The following NKAIN2 variants were observed in gnomAD, a reference collection of about 807,000 sequenced individuals.
NKAIN2 encodes sodium/potassium-transporting ATPase subunit beta-1-interacting protein 2.
In NKAIN2, 14 loss-of-function variants were observed where a neutral mutation model predicts 32.6. The observed-to-expected ratio is 0.43, with a 90% CI of 0.28 to 0.67. The LOEUF is 0.67. NKAIN2 is among the 30% of genes least tolerant of loss of function. NKAIN2 has a pLI of 0.17. For synonymous variants in NKAIN2, 80 were observed against 87.2 expected (o/e 0.92, Z 0.46); for missense variants, 198 against 258.3 (o/e 0.77, Z 1.60).
At chr6:124,586,207 C>T (rs552682197) in intron 3 of NKAIN2, among the ~76,000 whole-genome samples, 4 of 152,180 alleles carry the variant, frequency 2.6e-5, no homozygotes, top group Non-Finnish European at 5.9e-5. Flanking sequence ...AATAGTACCA[C>T]ATATATAGCT....
intron 4 of NKAIN2, among the ~76,000 whole-genome samples, chr6:124,713,903 G>A (rs1775620829): frequency 6.6e-6 from 1 of 152,132 alleles, no homozygotes; most frequent in Non-Finnish European, 1.5e-5. Flanking sequence ...TAGGGTCAGG[G>A]GTGATTAAAG....
chr6:124,571,307 G>T (rs1449456741), intron 3 of NKAIN2, among the ~76,000 whole-genome samples: 1 of 152,114 alleles, frequency 6.6e-6, no homozygotes, highest in South Asian at 2.1e-4. Context: ...GGCATGACTG[G>T]TTTTAAAAAG....
At chr6:124,138,944 G>A (rs1479618038) in intron 1 of NKAIN2, among the ~76,000 whole-genome samples, 1 of 151,054 alleles carries the variant, frequency 6.6e-6, no homozygotes, top group Admixed American at 6.6e-5. Context: ...AGAGGGATGA[G>A]GGATAAAAGA....
At chr6:124,122,740 A>C (rs1376238620) in intron 1 of NKAIN2, among the ~76,000 whole-genome samples, 1 of 152,112 alleles carries the variant, frequency 6.6e-6, no homozygotes, top group Admixed American at 6.6e-5. Context: ...CTGGTCCTTA[A>C]AGTTTAATAA....
intron 1 of NKAIN2, among the ~76,000 whole-genome samples, chr6:124,261,702 G>A (rs1247052117): frequency 2.6e-5 from 4 of 151,988 alleles, no homozygotes; most frequent in Non-Finnish European, 4.4e-5. Context: ...TCGGCTAAAA[G>A]TCCAAAAATT....
intron 3 of NKAIN2, among the ~76,000 whole-genome samples, chr6:124,387,546 A>G (rs1204122033): frequency 6.6e-6 from 1 of 152,104 alleles, no homozygotes; most frequent in African/African-American, 2.4e-5. Flanking sequence ...TTGAAATGAC[A>G]AAATGATCCG....
At chr6:124,151,773 T>G (rs1787737756) in intron 1 of NKAIN2, among the ~76,000 whole-genome samples, 2 of 152,024 alleles carry the variant, frequency 1.3e-5, no homozygotes, top group Admixed American at 1.3e-4. Flanking sequence ...TTTAATATGC[T>G]TATTATGCAT....
intron 1 of NKAIN2, among the ~76,000 whole-genome samples, chr6:124,115,920 G>T (rs1785588535): frequency 6.6e-6 from 1 of 151,950 alleles, no homozygotes; most frequent in African/African-American, 2.4e-5. Flanking sequence ...GTCTTAGTGT[G>T]CTATGTATCT....
chr6:123,927,214 T>A (rs1014332198), intron 1 of NKAIN2, among the ~76,000 whole-genome samples: 2 of 152,364 alleles, frequency 1.3e-5, no homozygotes, highest in Non-Finnish European at 2.9e-5. Context: ...CAGTATTTAA[T>A]CTTTACCTTG....
Position 124,474,918 on chromosome 6 carries a change from A to G in NKAIN2, c.273+119571A>G, listed in dbSNP as rs993308587. 2.5e-5 allele frequency among the ~76,000 whole-genome samples: 3 copies of G among 119,998 alleles called. No individual in the cohort carries two copies. The Admixed American group carries it at 2.6e-4, about 11-fold the overall frequency. 78.7% of individuals were successfully genotyped at this position (119,998 alleles called of 152,430 possible). On this transcript the variant is annotated intron_variant, in intron 3 of 6. Transcript: ENST00000368417. ...ATATGTATCATATTATATACTATAT[A>G]TGTATGCATTATATAGGTATATATC...
At chr6:124,538,210 C>T (rs1028117054) in intron 3 of NKAIN2, among the ~76,000 whole-genome samples, 20 of 151,614 alleles carry the variant, frequency 1.3e-4, no homozygotes, top group African/African-American at 4.1e-4. Flanking sequence ...TTTTTCATCT[C>T]GGTAAATTCA....
chr6:124,234,802 A>T (rs1218264255), intron 1 of NKAIN2, among the ~76,000 whole-genome samples: 2 of 152,178 alleles, frequency 1.3e-5, no homozygotes, highest in Non-Finnish European at 2.9e-5. Flanking sequence ...AAAACTAACA[A>T]AAAAGTTGTA....
intron 1 of NKAIN2, among the ~76,000 whole-genome samples, chr6:123,869,265 G>A (rs1421802492): frequency 6.6e-6 from 1 of 152,164 alleles, no homozygotes; most frequent in Non-Finnish European, 1.5e-5. Flanking sequence ...AAAGTGTTCA[G>A]TATGTTTGAG....
At position 124,452,634 on chromosome 6, in the gene NKAIN2, G is replaced by A. The variant is rs374521847; in HGVS notation, c.273+97287G>A. ...AAGTTAGTTTAGAATAAGTGCACTGGAATCTTTTATATCTATGACAGAAAT... is the reference window on the plus strand; with the variant it reads ...AAGTTAGTTTAGAATAAGTGCACTGAAATCTTTTATATCTATGACAGAAAT... On this transcript the variant is annotated intron_variant, in intron 3 of 6. Coordinates refer to ENST00000368417, the MANE Select transcript of NKAIN2 (RefSeq NM_001040214.3). Among the ~76,000 whole-genome samples, 43 of 152,126 alleles carry A rather than the reference G, an allele frequency of 2.8e-4. 1 individual carries two copies. In the South Asian group the frequency reaches 8.9e-3, roughly 32 times the overall value.
chr6:124,381,681 A>G (rs532176373), intron 3 of NKAIN2, among the ~76,000 whole-genome samples: 14 of 152,320 alleles, frequency 9.2e-5, no homozygotes, highest in African/African-American at 2.9e-4. Context: ...AAGACAGTAC[A>G]TGGAGACTGA....
At chr6:124,419,131 A>G (rs1490463510) in intron 3 of NKAIN2, among the ~76,000 whole-genome samples, 1 of 152,110 alleles carries the variant, frequency 6.6e-6, no homozygotes, top group African/African-American at 2.4e-5. Flanking sequence ...TCTGGGCCTC[A>G]TAGAGGAATC....
intron 1 of NKAIN2, among the ~76,000 whole-genome samples, chr6:123,921,630 T>C (rs544614313): frequency 6.6e-6 from 1 of 152,314 alleles, no homozygotes; most frequent in African/African-American, 2.4e-5. Context: ...TCTACTTGCA[T>C]TCAACTGTCA....
intron 1 of NKAIN2, among the ~76,000 whole-genome samples, chr6:124,280,904 A>G (rs1189863369): frequency 6.6e-6 from 1 of 152,252 alleles, no homozygotes. Context: ...TATTATATGC[A>G]AAGAATTACA....
intron 1 of NKAIN2, among the ~76,000 whole-genome samples, chr6:123,828,337 A>C (rs1341884860): frequency 6.6e-6 from 1 of 152,130 alleles, no homozygotes; most frequent in East Asian, 1.9e-4. Context: ...GATCTCCAGC[A>C]ACACTGTGTT....
Sources: gnomAD v4.1 joint callset for allele counts (sites outside exome capture counted in the v4.1 genomes callset) on GRCh38, gnomAD v4.1.1 for gene constraint, MANE v1.5 for transcripts, NCBI Gene and HGNC (gene_info 2026-07-23, HGNC 2026-07-21) for gene names.